DOCK10: variants seen among roughly 807,000 people sequenced by gnomAD.
DOCK10 encodes the protein dedicator of cytokinesis 10.
In DOCK10, 145 loss-of-function variants were observed where a neutral mutation model predicts 280.1. That is an observed-to-expected ratio of 0.52 (90% CI 0.45 to 0.59). DOCK10 has a LOEUF of 0.59. Among genes scored for constraint, DOCK10 ranks in the 20% least tolerant of loss-of-function variants. The probability of loss-of-function intolerance (pLI) is 0.00; values close to 1 mark genes in which losing one functional copy is unlikely to be tolerated. For synonymous variants in DOCK10, 915 were observed against 942.2 expected (o/e 0.97, Z 0.53); for missense variants, 2,368 against 2,651.7 (o/e 0.89, Z 2.35).
intron 1 of DOCK10, among the ~76,000 whole-genome samples, chr2:224,936,693 A>T (rs1418361496): frequency 6.6e-6 from 1 of 152,196 alleles, no homozygotes; most frequent in East Asian, 1.9e-4. Flanking sequence ...TAATAAATTT[A>T]AAGAGAAAAC....
rs974748859 is a variant in DOCK10, at chr2:225,042,221, C to T, written c.123+31G>A. On this transcript the variant is annotated intron_variant, in intron 1 of 55. Transcript: ENST00000258390. This position sits in a 1 kb window ranked among gnomAD's most constrained non-coding sequence, Gnocchi z 5.1. ...GTTCCCCCCGGGCGCCTGGGGCGCG[C>T]GGGAAGGCGCGGAGGACGCGCCGCA... The T allele has an allele frequency of 4.0e-6, 5 of 1,239,110 alleles. No homozygotes were observed. Among genetic ancestry groups the T allele is most frequent in the Admixed American group, 4.3e-5 (1 of 23,260 alleles). 76.8% of individuals were successfully genotyped at this position (1,239,110 alleles called of 1,614,324 possible).
At chr2:224,888,263 C>A (rs1262736153) in intron 4 of DOCK10, among the ~76,000 whole-genome samples, 1 of 149,706 alleles carries the variant, frequency 6.7e-6, no homozygotes, top group Non-Finnish European at 1.5e-5. Flanking sequence ...GTCTAGCATT[C>A]TCTTATCTAT....
chr2:224,940,755 G>A (rs547445476), intron 1 of DOCK10, among the ~76,000 whole-genome samples: 14 of 152,170 alleles, frequency 9.2e-5, no homozygotes, highest in Non-Finnish European at 1.8e-4. Context: ...CTTCAGTGAC[G>A]ATAGTCACAT....
At chr2:224,897,634 T>C (rs1013747362) in intron 3 of DOCK10, among the ~76,000 whole-genome samples, 3 of 152,186 alleles carry the variant, frequency 2.0e-5, no homozygotes, top group Admixed American at 6.5e-5. Context: ...CATAAGTAAG[T>C]AAGAACATGT....
At chr2:224,862,415 C>A (rs555984367) in intron 14 of DOCK10, 2 of 351,254 alleles carry the variant, frequency 5.7e-6, no homozygotes, top group Non-Finnish European at 1.0e-5. Flanking sequence ...TACCAAGAAC[C>A]CATAGCATAT....
At chr2:224,854,689 A>G (rs181941316) in intron 16 of DOCK10, among the ~76,000 whole-genome samples, 1 of 152,358 alleles carries the variant, frequency 6.6e-6, no homozygotes, top group East Asian at 1.9e-4. Flanking sequence ...GGTGCATACC[A>G]GGTAAGTAAG....
At chr2:224,802,667 G>T (rs1197846938) in intron 39 of DOCK10, among the ~76,000 whole-genome samples, 1 of 152,128 alleles carries the variant, frequency 6.6e-6, no homozygotes, top group Non-Finnish European at 1.5e-5. Flanking sequence ...TGGGAAAAAT[G>T]AGCCAGTGTT....
At chr2:224,955,056 C>G (rs73081869) in intron 1 of DOCK10, among the ~76,000 whole-genome samples, 1 of 152,164 alleles carries the variant, frequency 6.6e-6, no homozygotes, top group East Asian at 1.9e-4. Flanking sequence ...TTGGAGCCTA[C>G]TCCAGCTTCC....
rs1014136583 is a variant in DOCK10, at chr2:224,768,874, C to G, written c.6444+1337G>C. On this transcript the variant is annotated intron_variant, in intron 55 of 55. Coordinates refer to ENST00000258390, the MANE Select transcript of DOCK10 (RefSeq NM_014689.3). ...GACATAAAGAAAGAAAAACATACCA[C>G]TTTTGCTTACAGTACTGAGGGAAAT... The G allele has an allele frequency of 5.7e-5, 26 of 456,402 alleles. No homozygotes were observed. The Admixed American group carries it at 6.1e-4, about 11-fold the overall frequency. The allele number at this position is 456,402 out of a possible 1,614,324, so 28.3% of individuals were successfully genotyped here. A position where few individuals can be genotyped will look rare whatever the true frequency, so the allele number is the denominator to read the frequency against.
intron 40 of DOCK10, 101 bp downstream of exon 40, chr2:224,801,815 C>T: frequency 1.6e-6 from 2 of 1,259,632 alleles, no homozygotes; most frequent in Non-Finnish European, 2.2e-6. Flanking sequence ...CCCAGAGGTA[C>T]AGCAAACCTT....
intron 1 of DOCK10, among the ~76,000 whole-genome samples, chr2:225,041,472 A>G (rs1690421977): frequency 6.6e-6 from 1 of 152,174 alleles, no homozygotes. Context: ...ATAGGATCCT[A>G]GCATCAGATG....
intron 1 of DOCK10, among the ~76,000 whole-genome samples, chr2:224,993,069 T>TCAGG (rs1023606565): frequency 6.6e-6 from 1 of 152,046 alleles, no homozygotes; most frequent in Non-Finnish European, 1.5e-5. Flanking sequence ...GAACTGAAAA[T>TCAGG]CAGGCAGTGG....
intron 1 of DOCK10, among the ~76,000 whole-genome samples, chr2:224,938,241 T>C (rs1308416517): frequency 2.6e-5 from 4 of 152,184 alleles, no homozygotes; most frequent in African/African-American, 9.7e-5. Flanking sequence ...AACTCCCTCT[T>C]CCTCAGCCAG....
At chr2:224,869,006 A>G (rs948819237) in intron 11 of DOCK10, among the ~76,000 whole-genome samples, 1 of 152,160 alleles carries the variant, frequency 6.6e-6, no homozygotes, top group African/African-American at 2.4e-5. Flanking sequence ...GTGGTGATTC[A>G]TTTCTTTCTT....
intron 29 of DOCK10, among the ~76,000 whole-genome samples, chr2:224,818,339 C>T (rs1694274480): frequency 6.6e-6 from 1 of 151,324 alleles, no homozygotes; most frequent in Admixed American, 6.6e-5. Context: ...CAGTATGTGT[C>T]TCTGTCGTTA....
At chr2:224,863,467 T>A (rs1036229008) in intron 13 of DOCK10, among the ~76,000 whole-genome samples, 4 of 152,160 alleles carry the variant, frequency 2.6e-5, no homozygotes, top group Non-Finnish European at 2.9e-5. Context: ...CTTTTTTTTT[T>A]AGACGGAGTC....
At chr2:224,967,782 G>T (rs1704861191) in intron 1 of DOCK10, among the ~76,000 whole-genome samples, 1 of 151,368 alleles carries the variant, frequency 6.6e-6, no homozygotes, top group African/African-American at 2.4e-5. Flanking sequence ...TTTCTGTAGG[G>T]ATCTGAGAGG....
chr2:224,800,751 A>C (rs143063644), intron 40 of DOCK10, among the ~76,000 whole-genome samples: 2 of 152,314 alleles, frequency 1.3e-5, no homozygotes, highest in East Asian at 3.9e-4. Context: ...ATTTGAAGAG[A>C]TTTATTGTGA....
intron 1 of DOCK10, among the ~76,000 whole-genome samples, chr2:224,949,781 T>C (rs1266279143): frequency 1.3e-5 from 2 of 152,332 alleles, no homozygotes; most frequent in East Asian, 1.9e-4. Flanking sequence ...AGGGATAGCA[T>C]AGTCACTACC....
Sources: allele counts gnomAD v4.1 joint callset (sites outside exome capture counted in the v4.1 genomes callset), GRCh38; gene constraint gnomAD v4.1.1; non-coding constraint Gnocchi (gnomAD v3.1); transcripts MANE v1.5; gene names NCBI Gene and HGNC (gene_info 2026-07-23, HGNC 2026-07-21).